Variants in ANK1 observed in about 807,000 individuals in gnomAD.
ANK1 encodes ankyrin-1.
Under a neutral mutation model 210.4 loss-of-function variants are expected in ANK1, and 51 were observed. That is an observed-to-expected ratio of 0.24 (90% CI 0.19 to 0.31). The LOEUF (loss-of-function observed/expected upper bound fraction) is 0.31. Ranked by LOEUF, ANK1 falls within the 10% of genes least tolerant of loss-of-function variation. The pLI is 1.00. For missense variants in ANK1, 2,051 were observed against 2,504.4 expected (o/e 0.82, Z 3.86); for synonymous variants, 967 against 1,025.9 (o/e 0.94, Z 1.10).
chr8:41,717,581 C>T, intron 12 of ANK1, 23 bp downstream of exon 12: 1 of 1,546,774 alleles, frequency 6.5e-7, no homozygotes, highest in Non-Finnish European at 8.7e-7. Context: ...GGGGAGCAAG[C>T]CCCTGCCTGC....
intron 1 of ANK1, among the ~76,000 whole-genome samples, chr8:41,759,032 T>G (rs552838895): frequency 5.6e-4 from 85 of 151,654 alleles, no homozygotes; most frequent in Non-Finnish European, 1.0e-3. Context: ...TACCCAGCCC[T>G]GTGTTTTTGT....
intron 36 of ANK1, among the ~76,000 whole-genome samples, chr8:41,685,235 C>T (rs1015424815): frequency 2.6e-4 from 39 of 152,154 alleles, no homozygotes; most frequent in African/African-American, 8.0e-4. Context: ...ACCACAGTGG[C>T]CAATTTAAAA....
chr8:41,838,472 G>C (rs1808205504), intron 1 of ANK1, among the ~76,000 whole-genome samples: 1 of 152,202 alleles, frequency 6.6e-6, no homozygotes, highest in Non-Finnish European at 1.5e-5. Flanking sequence ...GATTGTTAAA[G>C]ATGTAACAAT....
intron 16 of ANK1, among the ~76,000 whole-genome samples, chr8:41,712,520 A>G (rs558224545): frequency 6.6e-6 from 1 of 152,342 alleles, no homozygotes; most frequent in African/African-American, 2.4e-5. Context: ...TGCAGGTGAC[A>G]AGGACAAGGA....
intron 1 of ANK1, among the ~76,000 whole-genome samples, chr8:41,863,271 A>G (rs2150819593): frequency 6.6e-6 from 1 of 151,976 alleles, no homozygotes; most frequent in South Asian, 2.1e-4. Context: ...AGGCAGGAGA[A>G]TGGCGTGAAC....
chr8:41,714,570 A>C (rs750088399), intron 15 of ANK1, among the ~76,000 whole-genome samples: 1 of 152,184 alleles, frequency 6.6e-6, no homozygotes, highest in Non-Finnish European at 1.5e-5. Flanking sequence ...ACCCATGGAA[A>C]TATAAACAGG....
intron 5 of ANK1, among the ~76,000 whole-genome samples, chr8:41,726,362 T>C (rs2150660152): frequency 6.6e-6 from 1 of 152,316 alleles, no homozygotes; most frequent in South Asian, 2.1e-4. Flanking sequence ...CACCAGGCCC[T>C]GATAATTCAA....
chr8:41,706,497 A>G (rs1005484308), intron 17 of ANK1, among the ~76,000 whole-genome samples: 25 of 152,268 alleles, frequency 1.6e-4, no homozygotes, highest in Non-Finnish European at 3.4e-4. Flanking sequence ...CTATATGACT[A>G]ACATTTAAAT....
intron 1 of ANK1, among the ~76,000 whole-genome samples, chr8:41,884,879 T>C (rs1206109528): frequency 1.3e-5 from 2 of 151,674 alleles, no homozygotes; most frequent in Admixed American, 6.6e-5. Context: ...TCAGACTGAG[T>C]TCCGGAGAGG....
chr8:41,664,012 A>C, intron 39 of ANK1: 7 of 585,834 alleles, frequency 1.2e-5, no homozygotes, highest in Non-Finnish European at 2.2e-5. Context: ...AACCTGCAAA[A>C]TGGGGGCAAT....
intron 1 of ANK1, among the ~76,000 whole-genome samples, chr8:41,837,460 A>C (rs916117875): frequency 5.9e-5 from 9 of 152,250 alleles, no homozygotes; most frequent in African/African-American, 1.2e-4. Context: ...CTCCTGATCC[A>C]AGGATGGTTA....
intron 2 of ANK1, among the ~76,000 whole-genome samples, chr8:41,739,665 G>A (rs1834263191): frequency 6.6e-6 from 1 of 152,018 alleles, no homozygotes; most frequent in Admixed American, 6.6e-5. Context: ...CAGCATGGAG[G>A]TGAGAAGGCT....
At chr8:41,725,716 A>C in intron 6 of ANK1, 45 bp downstream of exon 6, 1 of 1,584,328 alleles carries the variant, frequency 6.3e-7, no homozygotes, top group Non-Finnish European at 8.6e-7. Context: ...CCCTGAGCCC[A>C]CGGGCGTCCG....
intron 3 of ANK1, among the ~76,000 whole-genome samples, chr8:41,732,268 T>C (rs1832363089): frequency 6.6e-6 from 1 of 151,942 alleles, no homozygotes; most frequent in South Asian, 2.1e-4. Context: ...CCACGTGTAA[T>C]ATATACCAAA....
At chr8:41,791,207 T>G (rs997276591) in intron 1 of ANK1, among the ~76,000 whole-genome samples, 8 of 140,868 alleles carry the variant, frequency 5.7e-5, no homozygotes, top group South Asian at 2.5e-4. Flanking sequence ...TTTTTTTTTT[T>G]TTTTTTTTTT....
chr8:41,715,086 C>T lies in ANK1; in HGVS notation c.1603-12G>A. On this transcript the variant is annotated splice_polypyrimidine_tract_variant and intron_variant, in intron 14 of 42. Transcript: ENST00000289734. ...GGGGTAAATCCTTTCTGAGGAGAAA[C>T]AGGCTGTCAGGACCTTGGGGCCCCA... is the stretch of plus-strand genomic sequence containing the variant. The T allele has an allele frequency of 1.9e-6, 3 of 1,613,738 alleles. No individual in the cohort carries two copies. The highest frequency in any genetic ancestry group is 1.7e-6 in the Non-Finnish European group (2 of 1,179,816).
At chr8:41,759,240 G>T (rs1215493669) in intron 1 of ANK1, among the ~76,000 whole-genome samples, 1 of 152,192 alleles carries the variant, frequency 6.6e-6, no homozygotes, top group Non-Finnish European at 1.5e-5. Flanking sequence ...GGGCGTGGTG[G>T]CTCAAACCTG....
chr8:41,818,075 A>G (rs1803615580), intron 1 of ANK1, among the ~76,000 whole-genome samples: 1 of 152,250 alleles, frequency 6.6e-6, no homozygotes, highest in Non-Finnish European at 1.5e-5. Context: ...TGCAAAGTCA[A>G]ACAAAGTTCT....
intron 1 of ANK1, among the ~76,000 whole-genome samples, chr8:41,777,660 T>C (rs1057140560): frequency 3.3e-5 from 5 of 152,216 alleles, no homozygotes; most frequent in Non-Finnish European, 7.3e-5. Flanking sequence ...GTTGGCAACT[T>C]TCTTTCCAGC....
Sources: gnomAD v4.1 joint callset for allele counts (sites outside exome capture counted in the v4.1 genomes callset) on GRCh38, gnomAD v4.1.1 for gene constraint, MANE v1.5 for transcripts, NCBI Gene and HGNC (gene_info 2026-07-23, HGNC 2026-07-21) for gene names.